Variants in GFRA1 observed in about 807,000 individuals in gnomAD.
GFRA1 encodes GDNF family receptor alpha 1.
GFRA1 carries 16 observed loss-of-function variants against 51.6 expected under a neutral mutation model. That is an observed-to-expected ratio of 0.31 (90% confidence interval 0.21 to 0.47). The LOEUF is 0.47. Among genes scored for constraint, GFRA1 ranks in the 20% least tolerant of loss-of-function variants. GFRA1 has a pLI of 1.00. For missense variants in GFRA1, 530 were observed against 594.3 expected, an observed-to-expected ratio of 0.89 and a Z score of 1.13; for synonymous variants, 270 against 241.3, an observed-to-expected ratio of 1.12 and a Z score of -1.10.
At position 116,124,238 on chromosome 10, in the gene GFRA1, T is replaced by C. The variant is rs1451770501; in HGVS notation, c.770+983A>G. On this transcript the variant is annotated intron_variant, in intron 6 of 10. Transcript: ENST00000355422. ...TTCTTTTCTTCTTCTTCTTCTTCTT[T>C]TTTTTTTTAAGACAGATTTTCACTC... Among the ~76,000 whole-genome samples the C allele has an allele frequency of 4.7e-5, 7 of 147,858 alleles. No homozygotes were observed. In the East Asian group the frequency reaches 6.2e-4, roughly 13 times the overall value.
At chr10:116,221,792 A>T (rs572509995) in intron 4 of GFRA1, among the ~76,000 whole-genome samples, 126 of 152,266 alleles carry the variant, frequency 8.3e-4, no homozygotes, top group African/African-American at 2.9e-3. Flanking sequence ...TTTTTTCTGT[A>T]ACTTTTCTAT....
chr10:116,184,614 G>A (rs1211205427), intron 5 of GFRA1, among the ~76,000 whole-genome samples: 2 of 152,224 alleles, frequency 1.3e-5, no homozygotes, highest in African/African-American at 4.8e-5. Flanking sequence ...CTCAAGAGGA[G>A]GTGGCACTAC....
At chr10:116,244,647 C>G (rs529826191) in intron 4 of GFRA1, among the ~76,000 whole-genome samples, 5 of 151,654 alleles carry the variant, frequency 3.3e-5, no homozygotes, top group Non-Finnish European at 5.9e-5. Flanking sequence ...GGAGGACAGA[C>G]CTGAACACCT....
At chr10:116,192,970 C>T (rs868071844) in intron 5 of GFRA1, among the ~76,000 whole-genome samples, 2 of 152,120 alleles carry the variant, frequency 1.3e-5, no homozygotes, top group East Asian at 1.9e-4. Context: ...AAATCCCCAC[C>T]GGCTTTGTAC....
chr10:116,225,270 C>T (rs1026621777), intron 4 of GFRA1, among the ~76,000 whole-genome samples: 1 of 152,030 alleles, frequency 6.6e-6, no homozygotes, highest in African/African-American at 2.4e-5. Flanking sequence ...GGCGTGGTGG[C>T]TCACACCTGT....
At chr10:116,153,611 T>C (rs1959142276) in intron 5 of GFRA1, among the ~76,000 whole-genome samples, 1 of 152,192 alleles carries the variant, frequency 6.6e-6, no homozygotes, top group African/African-American at 2.4e-5. Context: ...TGACCAAGTG[T>C]GGACATAAAC....
intron 5 of GFRA1, among the ~76,000 whole-genome samples, chr10:116,155,568 A>G (rs981819257): frequency 3.3e-5 from 5 of 152,230 alleles, no homozygotes; most frequent in African/African-American, 1.2e-4. Context: ...ATGATTGTAC[A>G]TATCACCACA....
chr10:116,211,711 A>C (rs1294704152), intron 4 of GFRA1, 66 bp from the exon 5 acceptor site: 18 of 1,284,326 alleles, frequency 1.4e-5, no homozygotes, highest in Non-Finnish European at 2.0e-5. Flanking sequence ...AATATTAATA[A>C]TAATGTTGAA....
rs1958941905 is a variant in GFRA1, at chr10:116,148,781, G to A, written c.434-23224C>T. On this transcript the variant is annotated intron_variant, in intron 5 of 10. Transcript: ENST00000355422. ...GAAGAATAATCATTAAATACAAGAAGAAGCTTATTCCAGGGCACGAAGAAA... is the reference window on the plus strand; with the variant it reads ...GAAGAATAATCATTAAATACAAGAAAAAGCTTATTCCAGGGCACGAAGAAA... 2.0e-5 allele frequency among the ~76,000 whole-genome samples: 3 copies of A among 152,140 alleles called. No homozygotes were observed. In the South Asian group the frequency reaches 6.2e-4, roughly 32 times the overall value.
At chr10:116,136,165 G>T (rs942212430) in intron 5 of GFRA1, among the ~76,000 whole-genome samples, 1 of 152,128 alleles carries the variant, frequency 6.6e-6, no homozygotes, top group Non-Finnish European at 1.5e-5. Context: ...AACATTTCCC[G>T]TTTTTATGAA....
chr10:116,096,158 T>C (rs984767177), intron 7 of GFRA1, among the ~76,000 whole-genome samples: 4 of 151,880 alleles, frequency 2.6e-5, no homozygotes, highest in Non-Finnish European at 5.9e-5. Flanking sequence ...ACACTGGGAG[T>C]TGAATTACCA....
intron 6 of GFRA1, among the ~76,000 whole-genome samples, chr10:116,124,495 T>G (rs10885856): frequency 2.6e-5 from 4 of 151,550 alleles, no homozygotes; most frequent in African/African-American, 9.7e-5. Context: ...CCTCCCAAAA[T>G]GCTGAGATTT....
chr10:116,073,552 G>T (rs1390209038), intron 9 of GFRA1, among the ~76,000 whole-genome samples: 1 of 152,198 alleles, frequency 6.6e-6, no homozygotes, highest in Non-Finnish European at 1.5e-5. Context: ...GGTTTGGGGT[G>T]AGGGCGGCTG....
upstream of GFRA1, among the ~76,000 whole-genome samples, chr10:116,273,696 A>T (rs796953087): frequency 3.4e-5 from 5 of 147,664 alleles, no homozygotes; most frequent in African/African-American, 1.1e-4. Context: ...TCTCTCTCTC[A>T]CACACACACA....
intron 5 of GFRA1, among the ~76,000 whole-genome samples, chr10:116,187,988 C>T (rs1290255308): frequency 6.6e-6 from 1 of 152,148 alleles, no homozygotes; most frequent in African/African-American, 2.4e-5. Context: ...AGATATGAAT[C>T]TAGACAGTAG....
chr10:116,065,441 G>A, intron 10 of GFRA1, 132 bp downstream of exon 10: 1 of 746,658 alleles, frequency 1.3e-6, no homozygotes, highest in African/African-American at 1.7e-5. Context: ...AGACGGTCAT[G>A]GAGGGTGGCT....
chr10:116,093,252 T>C (rs1186121353), intron 8 of GFRA1, among the ~76,000 whole-genome samples: 10 of 152,226 alleles, frequency 6.6e-5, no homozygotes, highest in Admixed American at 5.9e-4. Context: ...CAGAGAGTCC[T>C]TGGAGGCCTA....
In GFRA1 at chr10:116,263,592, G is replaced by A. The variant is rs1969445984; in HGVS notation, c.418+5911C>T. On this transcript the variant is annotated intron_variant, in intron 4 of 10. Coordinates refer to ENST00000355422, the MANE Select transcript of GFRA1 (RefSeq NM_005264.8). ...CCAGAGTGCTAGTAGAACGGCAGCT[G>A]CTCAACCTGTCTTGTCTATGATACA... Among the ~76,000 whole-genome samples, 2 of 152,166 alleles carry A rather than the reference G, an allele frequency of 1.3e-5. 1 individual carries two copies. The highest frequency in any genetic ancestry group is 2.9e-5 in the Non-Finnish European group (2 of 68,030).
At chr10:116,154,082 G>A (rs906984317) in intron 5 of GFRA1, among the ~76,000 whole-genome samples, 4 of 152,094 alleles carry the variant, frequency 2.6e-5, no homozygotes, top group African/African-American at 7.2e-5. Flanking sequence ...AAAATGAAGA[G>A]ACAAAAACAA....
Sources: allele counts gnomAD v4.1 joint callset (sites outside exome capture counted in the v4.1 genomes callset), GRCh38; gene constraint gnomAD v4.1.1; transcripts MANE v1.5; gene names NCBI Gene and HGNC (gene_info 2026-07-23, HGNC 2026-07-21).